Variants in BTBD9 observed in about 807,000 individuals in gnomAD.
BTBD9 encodes BTB/POZ domain-containing protein 9.
BTBD9 carries 49 observed loss-of-function variants against 64.3 expected under a neutral mutation model. That is an observed-to-expected ratio of 0.76 (90% CI 0.61 to 0.97). The LOEUF (loss-of-function observed/expected upper bound fraction) is 0.97. Ranked by LOEUF, BTBD9 falls within the 50% of genes least tolerant of loss-of-function variation. The probability of loss-of-function intolerance (pLI) is 0.00; values close to 1 mark genes in which losing one functional copy is unlikely to be tolerated. For missense variants in BTBD9, 598 were observed against 762.1 expected (o/e 0.78, Z 2.53); for synonymous variants, 260 against 274.7 (o/e 0.95, Z 0.53).
At chr6:38,356,110 C>T (rs1052777660) in intron 6 of BTBD9, among the ~76,000 whole-genome samples, 2 of 151,942 alleles carry the variant, frequency 1.3e-5, no homozygotes, top group Non-Finnish European at 2.9e-5. Flanking sequence ...TTTAAAAAAC[C>T]ATGTCCTGCT....
At chr6:38,493,567 T>TAAA (rs1220038914) in intron 6 of BTBD9, among the ~76,000 whole-genome samples, 16 of 152,374 alleles carry the variant, frequency 1.1e-4, no homozygotes, top group African/African-American at 3.6e-4. Flanking sequence ...ATTGCTACAT[T>TAAA]CATTTTGGAA....
At chr6:38,568,098 T>C (rs955719717) in intron 6 of BTBD9, among the ~76,000 whole-genome samples, 3 of 152,126 alleles carry the variant, frequency 2.0e-5, no homozygotes, top group Non-Finnish European at 4.4e-5. Flanking sequence ...AATTGGGAGA[T>C]TCAAGCTATA....
chr6:38,497,375 G>T (rs1261469858), intron 6 of BTBD9, among the ~76,000 whole-genome samples: 2 of 152,100 alleles, frequency 1.3e-5, no homozygotes, highest in Admixed American at 1.3e-4. Flanking sequence ...TAGGTCCCAA[G>T]GATACACTTT....
intron 6 of BTBD9, among the ~76,000 whole-genome samples, chr6:38,354,917 AAG>A (rs150257577): frequency 7.8e-4 from 115 of 147,662 alleles, no homozygotes; most frequent in Admixed American, 9.5e-4. Flanking sequence ...GACAGAGAGA[AAG>A]AGAGAGAGAG....
At chr6:38,526,910 T>A (rs1420757071) in intron 6 of BTBD9, among the ~76,000 whole-genome samples, 1 of 152,188 alleles carries the variant, frequency 6.6e-6, no homozygotes, top group African/African-American at 2.4e-5. Flanking sequence ...TTATGGACTA[T>A]GGACTTTTCA....
rs376366552 is a variant in BTBD9, at chr6:38,226,734, C to A, written c.1562+29675G>T. The stretch of plus-strand genomic sequence containing the variant: ...CAAGGTGCTTGCTCAGGGGTGAGGA[C>A]AGGTGTGTACACACACAAACATGCA... On this transcript the variant is annotated intron_variant, in intron 9 of 10. Transcript: ENST00000481247. Among the ~76,000 whole-genome samples the A allele has an allele frequency of 1.9e-3, 291 of 152,358 alleles. 3 individuals are homozygous for A. The highest frequency in any genetic ancestry group is 6.7e-3 in the African/African-American group (278 of 41,580).
At chr6:38,483,853 G>A (rs1487800204) in intron 6 of BTBD9, among the ~76,000 whole-genome samples, 1 of 152,140 alleles carries the variant, frequency 6.6e-6, no homozygotes, top group African/African-American at 2.4e-5. Context: ...TTCCCTGACC[G>A]TTCTGCTCAA....
chr6:38,577,453 CTTTCCTAAGTTT>C (rs1379353410), intron 6 of BTBD9, 135 bp downstream of exon 6: 163 of 730,576 alleles, frequency 2.2e-4, no homozygotes, highest in Non-Finnish European at 6.5e-5. Context: ...ATTTTCCATA[CTTTCCTAAGTTT>C]TTTACTTGGG....
intron 6 of BTBD9, among the ~76,000 whole-genome samples, chr6:38,374,297 GTATATATATGTATATATATA>G (rs1473820088): frequency 5.6e-5 from 3 of 53,724 alleles, no homozygotes; most frequent in Non-Finnish European, 9.7e-5. Context: ...ATATATATAT[GTATATATATGTATATATATA>G]TATATATATG....
intron 6 of BTBD9, among the ~76,000 whole-genome samples, chr6:38,485,364 C>T (rs957427675): frequency 3.3e-5 from 5 of 152,148 alleles, no homozygotes; most frequent in Non-Finnish European, 5.9e-5. Flanking sequence ...TCAGAGGAAT[C>T]AAAAGAATTT....
intron 6 of BTBD9, among the ~76,000 whole-genome samples, chr6:38,486,200 A>T (rs1771404096): frequency 6.6e-6 from 1 of 152,186 alleles, no homozygotes. Flanking sequence ...GGCTTTAGGG[A>T]ATGTTGTGGC....
At chr6:38,280,132 T>A (rs1038168446) in intron 8 of BTBD9, among the ~76,000 whole-genome samples, 2 of 152,160 alleles carry the variant, frequency 1.3e-5, no homozygotes, top group African/African-American at 4.8e-5. Context: ...TTGAAATACC[T>A]CTAGGATGAA....
At chr6:38,563,054 A>G (rs2814890) in intron 6 of BTBD9, among the ~76,000 whole-genome samples, 43,460 of 151,938 alleles carry the variant, frequency 0.29, 6,534 homozygotes, top group African/African-American at 0.33. Context: ...TCTTGAAGCC[A>G]CACATTCTTG....
chr6:38,511,690 A>C (rs370446016), intron 6 of BTBD9, among the ~76,000 whole-genome samples: 11 of 152,194 alleles, frequency 7.2e-5, no homozygotes, highest in African/African-American at 2.2e-4. Context: ...ATGATGATTA[A>C]CTTCATATTC....
At chr6:38,596,780 G>A (rs1288057197) in intron 2 of BTBD9, among the ~76,000 whole-genome samples, 1 of 142,624 alleles carries the variant, frequency 7.0e-6, no homozygotes. Flanking sequence ...CAGCCTGGGC[G>A]ACAGAGTGAG....
intron 6 of BTBD9, among the ~76,000 whole-genome samples, chr6:38,368,234 T>TA (rs1328824572): frequency 6.6e-6 from 1 of 152,202 alleles, no homozygotes; most frequent in Non-Finnish European, 1.5e-5. Context: ...ACTTTATACA[T>TA]AAAAAAGAGG....
chr6:38,437,487 G>T (rs1008551316), intron 6 of BTBD9, among the ~76,000 whole-genome samples: 1 of 152,104 alleles, frequency 6.6e-6, no homozygotes, highest in African/African-American at 2.4e-5. Flanking sequence ...TCACTGAAAA[G>T]AAGACATGTG....
intron 10 of BTBD9, among the ~76,000 whole-genome samples, chr6:38,180,874 G>A (rs1337325288): frequency 1.3e-5 from 2 of 152,210 alleles, no homozygotes; most frequent in African/African-American, 4.8e-5. Context: ...GTATGAATCC[G>A]ACACAGCCTC....
intron 6 of BTBD9, among the ~76,000 whole-genome samples, chr6:38,439,053 C>T (rs1045231955): frequency 2.7e-5 from 4 of 150,254 alleles, no homozygotes; most frequent in African/African-American, 7.4e-5. Context: ...TAAGACAGTC[C>T]AAGAGAAGAC....
Sources: gnomAD v4.1 joint callset for allele counts (sites outside exome capture counted in the v4.1 genomes callset) on GRCh38, gnomAD v4.1.1 for gene constraint, MANE v1.5 for transcripts, NCBI Gene and HGNC (gene_info 2026-07-23, HGNC 2026-07-21) for gene names.